TUNAR: variants seen among roughly 807,000 people sequenced by gnomAD.
TUNAR encodes protein TUNAR.
intron 2 of TUNAR, among the ~76,000 whole-genome samples, chr14:95,882,350 C>A (rs190345751): frequency 6.6e-6 from 1 of 152,198 alleles, no homozygotes; most frequent in Non-Finnish European, 1.5e-5. Flanking sequence ...CAGAGAAGTT[C>A]ATGGCCTCTG....
intron 2 of TUNAR, among the ~76,000 whole-genome samples, chr14:95,898,990 A>G (rs1187969894): frequency 6.6e-6 from 1 of 152,198 alleles, no homozygotes; most frequent in African/African-American, 2.4e-5. Flanking sequence ...GGTAGAAATG[A>G]CTAGCTGGTA....
intron 2 of TUNAR, among the ~76,000 whole-genome samples, chr14:95,912,619 C>T (rs1340720965): frequency 1.3e-5 from 2 of 152,156 alleles, no homozygotes; most frequent in Admixed American, 1.3e-4. Flanking sequence ...AGATCTAACA[C>T]TAGCTTATCC....
chr14:95,904,719 C>T (rs1007595943), intron 2 of TUNAR, among the ~76,000 whole-genome samples: 5 of 152,220 alleles, frequency 3.3e-5, no homozygotes, highest in African/African-American at 4.8e-5. Context: ...TTCCAGGCCT[C>T]GGGCCCTGAT....
chr14:95,902,972 A>T (rs1333771059), intron 2 of TUNAR, among the ~76,000 whole-genome samples: 1 of 152,186 alleles, frequency 6.6e-6, no homozygotes, highest in Non-Finnish European at 1.5e-5. Flanking sequence ...GAGCCATAAA[A>T]TGTAGGAGTG....
At chr14:95,914,684 C>T (rs1367583298) in intron 2 of TUNAR, among the ~76,000 whole-genome samples, 1 of 151,840 alleles carries the variant, frequency 6.6e-6, no homozygotes, top group Non-Finnish European at 1.5e-5. Flanking sequence ...CATCAATCAT[C>T]ATCATCACCA....
chr14:95,903,447 C>T (rs1449557333), intron 2 of TUNAR, among the ~76,000 whole-genome samples: 1 of 152,118 alleles, frequency 6.6e-6, no homozygotes, highest in African/African-American at 2.4e-5. Context: ...GCCCAGAGAC[C>T]CCTTGAGATC....
At chr14:95,892,937 T>C (rs1273982076) in intron 2 of TUNAR, among the ~76,000 whole-genome samples, 1 of 152,152 alleles carries the variant, frequency 6.6e-6, no homozygotes, top group African/African-American at 2.4e-5. Flanking sequence ...TAGGTGGCCA[T>C]GTAACCCCAG....
At chr14:95,915,994 C>A (rs888906473) in intron 2 of TUNAR, among the ~76,000 whole-genome samples, 3 of 151,990 alleles carry the variant, frequency 2.0e-5, no homozygotes, top group Non-Finnish European at 4.4e-5. Flanking sequence ...TCTTTAAAAC[C>A]CTGTGTTTTT....
chr14:95,885,787 C>A (rs1336995034), intron 2 of TUNAR, among the ~76,000 whole-genome samples: 1 of 152,158 alleles, frequency 6.6e-6, no homozygotes, highest in African/African-American at 2.4e-5. Flanking sequence ...CTGTTCATGA[C>A]CCCCTGTACC....
intron 2 of TUNAR, among the ~76,000 whole-genome samples, chr14:95,905,372 G>A (rs1302423416): frequency 6.6e-6 from 1 of 152,332 alleles, no homozygotes; most frequent in Admixed American, 6.5e-5. Flanking sequence ...ATCTGGGGCA[G>A]TTCTTCAGTC....
intron 2 of TUNAR, among the ~76,000 whole-genome samples, chr14:95,916,790 G>A (rs1040300512): frequency 6.6e-6 from 1 of 152,346 alleles, no homozygotes; most frequent in East Asian, 1.9e-4. Context: ...GTGTTCAGTG[G>A]TCTTGTCAGA....
intron 2 of TUNAR, among the ~76,000 whole-genome samples, chr14:95,908,709 G>GTA (rs1163504175): frequency 6.6e-6 from 1 of 152,170 alleles, no homozygotes; most frequent in Non-Finnish European, 1.5e-5. Flanking sequence ...CCCTCTCCAT[G>GTA]TACACTATTG....
At chr14:95,910,083 T>C (rs1475457124) in intron 2 of TUNAR, among the ~76,000 whole-genome samples, 1 of 152,246 alleles carries the variant, frequency 6.6e-6, no homozygotes, top group Non-Finnish European at 1.5e-5. Flanking sequence ...ATCATTTCTT[T>C]ACTTTTTTCA....
chr14:95,881,614 T>G (rs1262964312), intron 2 of TUNAR, among the ~76,000 whole-genome samples: 2 of 152,188 alleles, frequency 1.3e-5, no homozygotes, highest in African/African-American at 2.4e-5. Flanking sequence ...TTTCTGGGAC[T>G]CGGGAGGAAA....
rs1464915422 is a variant in TUNAR, at chr14:95,922,864, AAAAG to A, written c.101_104del (p.Glu34ValfsTer17). ...ATGATGAAGACAGAGGAGGTCAAGAAAAAGAAAGTAAAGAGGAGAGTGTCTTGGC... is the reference window on the plus strand; with the variant it reads ...ATGATGAAGACAGAGGAGGTCAAGAAAAAGTAAAGAGGAGAGTGTCTTGGC... On this transcript the variant is annotated frameshift_variant, in exon 3 of 3. Coordinates refer to ENST00000678517, the Ensembl canonical transcript of TUNAR. LOFTEE classifies it high-confidence loss of function. The A allele has an allele frequency of 2.3e-5, 9 of 398,994 alleles. No homozygotes were observed. Among genetic ancestry groups the A allele is most frequent in the Admixed American group, 4.4e-5 (1 of 22,720 alleles). The allele number at this position is 398,994 out of a possible 1,614,324, so 24.7% of individuals were successfully genotyped here.
chr14:95,889,109 C>A (rs1889125012), intron 2 of TUNAR, among the ~76,000 whole-genome samples: 1 of 152,136 alleles, frequency 6.6e-6, no homozygotes, highest in Non-Finnish European at 1.5e-5. Context: ...TTCAAAGAGG[C>A]CTTTATACCA....
intron 2 of TUNAR, among the ~76,000 whole-genome samples, chr14:95,899,091 A>G (rs1304750014): frequency 6.6e-6 from 1 of 152,134 alleles, no homozygotes; most frequent in Admixed American, 6.5e-5. Flanking sequence ...GACTTGTCCC[A>G]CTTTGCTGAT....
At chr14:95,893,319 G>C (rs1475234094) in intron 2 of TUNAR, among the ~76,000 whole-genome samples, 1 of 152,178 alleles carries the variant, frequency 6.6e-6, no homozygotes. Context: ...GGTTTCAGGA[G>C]GCAGGAACCT....
exon 3 of TUNAR, chr14:95,925,346 C>T (rs1348627355): frequency 6.6e-6 from 1 of 152,156 alleles, no homozygotes; most frequent in African/African-American, 2.4e-5. Flanking sequence ...TGCAGGCATA[C>T]CACCGCACAC....
Sources: gnomAD v4.1 joint callset for allele counts (sites outside exome capture counted in the v4.1 genomes callset) on GRCh38, gnomAD v4.1.1 for gene constraint, MANE v1.5 for transcripts, NCBI Gene and HGNC (gene_info 2026-07-23, HGNC 2026-07-21) for gene names.